The following SLC8A2 variants were observed in gnomAD, a reference collection of about 807,000 sequenced individuals.
SLC8A2 encodes sodium/calcium exchanger 2.
Under a neutral mutation model 70.2 loss-of-function variants are expected in SLC8A2, and 14 were observed. The observed-to-expected ratio is 0.20, with a 90% CI of 0.13 to 0.31. The LOEUF is 0.31. Ranked by LOEUF, SLC8A2 falls within the 10% of genes least tolerant of loss-of-function variation. The pLI is 1.00. For synonymous variants in SLC8A2, 575 were observed against 594.3 expected (o/e 0.97, Z 0.47); for missense variants, 779 against 1,320.1 (o/e 0.59, Z 6.35).
At chr19:47,446,532 A>G (rs1359056359) in intron 4 of SLC8A2, among the ~76,000 whole-genome samples, 2 of 152,068 alleles carry the variant, frequency 1.3e-5, no homozygotes, top group African/African-American at 4.8e-5. Context: ...GGCTCAAGCC[A>G]TCTTCCTGCT....
chr19:47,446,498 G>C (rs570318820), intron 4 of SLC8A2, among the ~76,000 whole-genome samples: 183 of 152,270 alleles, frequency 1.2e-3, no homozygotes, highest in Non-Finnish European at 2.0e-3. Context: ...GGTGATCACA[G>C]CTCACTACAG....
Position 47,457,139 on chromosome 19 carries a change from G to C in SLC8A2, c.1131C>G (p.Arg377=). The stretch of plus-strand genomic sequence containing the variant: ...CCGCGCCCTCGGCCGGCGCCGCCCT[G>C]CGCGAGGCGTCCGCCGCGTGTCTGC... The part of the protein sequence containing the change: ...VLRRHAADAS[R]RAAPAEGAGE... The change falls in exon 3 of 10, where the codon CGC becomes CGG. Residue 377 remains arginine, a synonymous_variant. Transcript: ENST00000236877. 1 of 1,542,794 alleles carries C rather than the reference G, an allele frequency of 6.5e-7. No individual in the cohort carries two copies. The highest frequency in any genetic ancestry group is 8.7e-7 in the Non-Finnish European group (1 of 1,144,260).
In SLC8A2 at chr19:47,459,736, T is replaced by A. The variant is rs888515908; in HGVS notation, c.676-2142A>T. Among the ~76,000 whole-genome samples the A allele has an allele frequency of 2.6e-5, 4 of 151,008 alleles. No homozygotes were observed. In the East Asian group the frequency reaches 5.8e-4, roughly 22 times the overall value. On this transcript the variant is annotated intron_variant, in intron 2 of 9. Transcript: ENST00000236877. ...GCGCATGTGTGTACGTCTGTGTGTGTATGTGTACGTGTGTGTCCATCTGTG... is the reference window on the plus strand; with the variant it reads ...GCGCATGTGTGTACGTCTGTGTGTGAATGTGTACGTGTGTGTCCATCTGTG...
chr19:47,437,107 C>T (rs4802363), intron 8 of SLC8A2, among the ~76,000 whole-genome samples: 94,614 of 152,002 alleles, frequency 0.62, 34,048 homozygotes, highest in Non-Finnish European at 0.79. Context: ...TCCCTCTCCC[C>T]GGCCCATTTC....
chr19:47,459,745 G>A (rs905154992), intron 2 of SLC8A2, among the ~76,000 whole-genome samples: 18 of 151,298 alleles, frequency 1.2e-4, no homozygotes, highest in African/African-American at 2.4e-4. Flanking sequence ...GTATGTGTAC[G>A]TGTGTGTCCA....
At chr19:47,455,866 A>G (rs1967297410) in intron 3 of SLC8A2, among the ~76,000 whole-genome samples, 1 of 152,096 alleles carries the variant, frequency 6.6e-6, no homozygotes, top group Non-Finnish European at 1.5e-5. Flanking sequence ...GGGTAAGGAG[A>G]GGGACTGGGG....
rs971996271 is a variant in SLC8A2 at position 47,457,349 on chromosome 19, C to T, written c.921G>A (p.Glu307=). Reference sequence around the variant, plus strand: ...TGACCTCGCGGCGGCTGGCGTCCAGCTCGCGCGCCTCGGCGGGGCCCGGGC... The same window carrying T: ...TGACCTCGCGGCGGCTGGCGTCCAGTTCGCGCGCCTCGGCGGGGCCCGGGC... ...GLGPGPAEAR[E]LDASRREVIQ... The change falls in exon 3 of 10, where the codon GAG becomes GAA. Residue 307 remains glutamate (E), a synonymous_variant. Coordinates refer to ENST00000236877, the MANE Select transcript of SLC8A2 (RefSeq NM_015063.3). 1.3e-6 allele frequency: 2 copies of T among 1,542,204 alleles called. No homozygotes were observed. The highest frequency in any genetic ancestry group is 8.7e-7 in the Non-Finnish European group (1 of 1,144,128).
intron 6 of SLC8A2, among the ~76,000 whole-genome samples, chr19:47,439,617 T>TTCCTTCCTTCCTTCCTTC (rs1555747523): frequency 0.045 from 6,494 of 145,854 alleles, 381 homozygotes; most frequent in African/African-American, 0.091. Context: ...TTCCTTCCTT[T>TTCCTTCCTTCCTTCCTTC]CTTCCTTCCT....
rs1310080188 is a variant in SLC8A2, at chr19:47,437,843, A to G, written c.2010+6T>C. 1.9e-6 allele frequency: 3 copies of G among 1,614,042 alleles called. No individual in the cohort carries two copies. Among genetic ancestry groups the G allele is most frequent in the Non-Finnish European group, 1.7e-6 (2 of 1,179,988 alleles). On this transcript the variant is annotated splice_donor_region_variant and intron_variant, in intron 7 of 9. Coordinates refer to ENST00000236877, the MANE Select transcript of SLC8A2 (RefSeq NM_015063.3). ...ACTCCAGGAAGGTGAGGCCCCGGAA[A>G]ATCACCTTAAAATCATATGACTCCT...
chr19:47,452,435 A>AGT (rs1967251668), intron 3 of SLC8A2, among the ~76,000 whole-genome samples: 1 of 94,892 alleles, frequency 1.1e-5, no homozygotes, highest in African/African-American at 4.6e-5. Flanking sequence ...AGAGAGAGAG[A>AGT]GAGAGAGAGA....
rs1287685712 is a variant in SLC8A2 at position 47,447,756 on chromosome 19, C to A, written c.1763+53G>T. 1 of 1,501,704 alleles carries A rather than the reference C, an allele frequency of 6.7e-7. No individual in the cohort carries two copies. Among genetic ancestry groups the A allele is most frequent in the African/African-American group, 1.4e-5 (1 of 69,838 alleles). 93.0% of individuals were successfully genotyped at this position (1,501,704 alleles called of 1,614,324 possible). On this transcript the variant is annotated intron_variant, in intron 4 of 9. Transcript: ENST00000236877. The surrounding 1 kb of genome is among the most constrained non-coding windows in gnomAD (Gnocchi z 5.1). ...GGCCCCGCCCCTGAGCCACATCAGG[C>A]CTCGCCCATTCCGAAGCCCCGCCCC...
Position 47,435,314 on chromosome 19 carries a change from A to G in SLC8A2, c.2110+2148T>C, listed in dbSNP as rs115480234. Among the ~76,000 whole-genome samples, 1,082 of 152,172 alleles carry G rather than the reference A, an allele frequency of 7.1e-3. 13 individuals are homozygous for G. The highest frequency in any genetic ancestry group is 0.024 in the African/African-American group (1,015 of 41,520). On this transcript the variant is annotated intron_variant, in intron 8 of 9. Coordinates refer to ENST00000236877, the MANE Select transcript of SLC8A2 (RefSeq NM_015063.3). ...TGTTATTCTTCCTCCACCCCGATCT[A>G]ATCACCTGATCTAACCACCTGGTTT...
At chr19:47,438,708 C>A (rs1967061969) in intron 6 of SLC8A2, among the ~76,000 whole-genome samples, 1 of 152,158 alleles carries the variant, frequency 6.6e-6, no homozygotes, top group African/African-American at 2.4e-5. Context: ...AACCCCAACC[C>A]TCAGCCCTGG....
At chr19:47,457,827 C>T (rs1382932732) in intron 2 of SLC8A2, among the ~76,000 whole-genome samples, 1 of 135,812 alleles carries the variant, frequency 7.4e-6, no homozygotes, top group African/African-American at 2.8e-5. Context: ...CTTTCTCTCT[C>T]TCTTTCTTTC....
rs1449021336 is a variant in SLC8A2 at position 47,428,364 on chromosome 19, C to T, written c.*1725G>A. The T allele has an allele frequency of 6.9e-6, 1 of 144,158 alleles. No homozygotes were observed. The highest frequency in any genetic ancestry group is 2.7e-5 in the African/African-American group (1 of 37,710). 8.9% of individuals were successfully genotyped at this position (144,158 alleles called of 1,614,324 possible). A position where few individuals can be genotyped will look rare whatever the true frequency, so the allele number is the denominator to read the frequency against. ...GAAACCCACGACTGACGAATGGGGG[C>T]ATGGAGAGTGGAGGTGCGTGGCTTG... is the stretch of plus-strand genomic sequence containing the variant. On this transcript the variant is annotated 3_prime_UTR_variant, in exon 10 of 10. Transcript: ENST00000236877.
Position 47,432,892 on chromosome 19 carries a change from T to G in SLC8A2, c.2111-447A>C, listed in dbSNP as rs1966983005. ...TGGGCCCAGGTGACAAATATTTATT[T>G]TCCCAGAATCCCTTGCACCTAAATG... is the stretch of plus-strand genomic sequence containing the variant. On this transcript the variant is annotated intron_variant, in intron 8 of 9. Coordinates refer to ENST00000236877, the MANE Select transcript of SLC8A2 (RefSeq NM_015063.3). The surrounding 1 kb of genome is among the most constrained non-coding windows in gnomAD (Gnocchi z 6.2). Among the ~76,000 whole-genome samples the G allele has an allele frequency of 6.6e-6, 1 of 151,994 alleles. No homozygotes were observed. The highest frequency in any genetic ancestry group is 1.5e-5 in the Non-Finnish European group (1 of 68,012).
At chr19:47,433,727 C>T (rs766787001) in intron 8 of SLC8A2, among the ~76,000 whole-genome samples, 8 of 151,940 alleles carry the variant, frequency 5.3e-5, no homozygotes, top group African/African-American at 1.2e-4. Flanking sequence ...CTGTAACCTC[C>T]GCCTCCTGAG....
rs1384851170 is a variant in SLC8A2, at chr19:47,466,064, C to T, written c.340G>A (p.Gly114Ser). 4 of 1,614,186 alleles carry T rather than the reference C, an allele frequency of 2.5e-6. No homozygotes were observed. Among genetic ancestry groups the T allele is most frequent in the Non-Finnish European group, 3.4e-6 (4 of 1,180,038 alleles). The change falls in exon 2 of 10, where the codon GGT becomes AGT. Residue 114 changes from glycine to serine, a missense_variant. By Grantham distance (56) the Gly-to-Ser change is moderately conservative (BLOSUM62 0). This residue lies in a region of SLC8A2 where 155 missense variants were observed against 318.6 expected (regional missense o/e 0.49). Coordinates refer to ENST00000236877, the MANE Select transcript of SLC8A2 (RefSeq NM_015063.3). The surrounding 1 kb of genome is among the most constrained non-coding windows in gnomAD (Gnocchi z 6.9). ...EKEITITKAN[G>S]ETSVGTVRIW... ...CGAACGGTGCCCACGCTGGTCTCAC[C>T]GTTGGCCTTGGTGATGGTGATCTCC...
Position 47,430,652 on chromosome 19 carries a change from C to G in SLC8A2, c.2390-187G>C, listed in dbSNP as rs1478821874. ...CTTTAGGCCTGCTCGCCACTGGAAC[C>G]GCTGCCGGCTTTCTATGGGACCTGC... On this transcript the variant is annotated intron_variant, in intron 9 of 9. Coordinates refer to ENST00000236877, the MANE Select transcript of SLC8A2 (RefSeq NM_015063.3). This position sits in a 1 kb window ranked among gnomAD's most constrained non-coding sequence, Gnocchi z 5.9. 6.6e-6 allele frequency among the ~76,000 whole-genome samples: 1 copy of G among 152,258 alleles called. No homozygotes were observed. Among genetic ancestry groups the G allele is most frequent in the Admixed American group, 6.5e-5 (1 of 15,288 alleles).
Sources: allele counts gnomAD v4.1 joint callset (sites outside exome capture counted in the v4.1 genomes callset), GRCh38; gene constraint gnomAD v4.1.1; regional missense constraint gnomAD v4.1.1; non-coding constraint Gnocchi (gnomAD v3.1); transcripts MANE v1.5; gene names NCBI Gene and HGNC (gene_info 2026-07-23, HGNC 2026-07-21).